GALNT13: variants seen among roughly 807,000 people sequenced by gnomAD.
The protein encoded by GALNT13 is polypeptide N-acetylgalactosaminyltransferase 13.
Under a neutral mutation model 64.2 loss-of-function variants are expected in GALNT13, and 28 were observed. That is an observed-to-expected ratio of 0.44 (90% CI 0.32 to 0.60). The LOEUF (loss-of-function observed/expected upper bound fraction) is 0.60. Ranked by LOEUF, GALNT13 falls within the 20% of genes least tolerant of loss-of-function variation. The pLI is 0.05. For missense variants in GALNT13, 577 were observed against 669.8 expected (o/e 0.86, Z 1.53); for synonymous variants, 214 against 224.6 (o/e 0.95, Z 0.42).
chr2:154,013,190 C>T (rs1398416360), intron 3 of GALNT13, among the ~76,000 whole-genome samples: 1 of 151,180 alleles, frequency 6.6e-6, no homozygotes, highest in Non-Finnish European at 1.5e-5. Context: ...GTTCTTTAAT[C>T]TTTGAAGTTG....
the GALNT13 span, among the ~76,000 whole-genome samples, chr2:153,630,781 A>T: frequency 2.3e-4 from 2 of 8,816 alleles, no homozygotes; most frequent in Non-Finnish European, 4.6e-4. Flanking sequence ...ATATATATAT[A>T]TATATATATA....
intron 3 of GALNT13, among the ~76,000 whole-genome samples, chr2:153,949,075 A>C (rs1245592800): frequency 6.6e-6 from 1 of 152,134 alleles, no homozygotes; most frequent in Non-Finnish European, 1.5e-5. Flanking sequence ...CAATTGTGTT[A>C]TAATTTCCTA....
At chr2:153,989,223 C>A (rs1022443571) in intron 3 of GALNT13, among the ~76,000 whole-genome samples, 3 of 151,746 alleles carry the variant, frequency 2.0e-5, no homozygotes, top group Admixed American at 2.0e-4. Flanking sequence ...ATTTTTTGGC[C>A]TATATAATCT....
At chr2:153,864,828 C>A in the GALNT13 span, among the ~76,000 whole-genome samples, 1 of 148,410 alleles carries the variant, frequency 6.7e-6, no homozygotes, top group Non-Finnish European at 1.5e-5. Context: ...TCATATGGAA[C>A]CAAAAAAGAG....
chr2:154,145,151 A>G (rs1380302093), intron 4 of GALNT13, among the ~76,000 whole-genome samples: 3 of 147,188 alleles, frequency 2.0e-5, no homozygotes. Flanking sequence ...ATAAATTTAT[A>G]TATAAATTTT....
intron 4 of GALNT13, among the ~76,000 whole-genome samples, chr2:154,176,534 G>C (rs1434234387): frequency 6.6e-6 from 1 of 151,944 alleles, no homozygotes; most frequent in East Asian, 1.9e-4. Context: ...TTACAGGCTT[G>C]AGCCACCACA....
the GALNT13 span, among the ~76,000 whole-genome samples, chr2:153,359,903 GA>G: frequency 1.3e-5 from 2 of 152,150 alleles, no homozygotes; most frequent in East Asian, 3.8e-4. Flanking sequence ...TGAAAAATAT[GA>G]GACAGAAATG....
At chr2:153,963,695 C>A (rs1380647309) in intron 3 of GALNT13, among the ~76,000 whole-genome samples, 1 of 151,080 alleles carries the variant, frequency 6.6e-6, no homozygotes, top group Non-Finnish European at 1.5e-5. Context: ...CAATTTCTCT[C>A]TCTCTCTGTC....
At chr2:154,021,058 A>G (rs895710742) in intron 3 of GALNT13, among the ~76,000 whole-genome samples, 12 of 152,106 alleles carry the variant, frequency 7.9e-5, no homozygotes, top group African/African-American at 2.9e-4. Context: ...CCATTGGTCT[A>G]TATCTCTGTT....
chr2:153,954,756 A>G (rs924101956), intron 3 of GALNT13, among the ~76,000 whole-genome samples: 11 of 152,212 alleles, frequency 7.2e-5, no homozygotes, highest in Non-Finnish European at 1.5e-4. Context: ...AAACTGGGCT[A>G]TGGAAAGATT....
the GALNT13 span, among the ~76,000 whole-genome samples, chr2:153,313,710 A>T: frequency 6.6e-6 from 1 of 152,198 alleles, no homozygotes; most frequent in African/African-American, 2.4e-5. Flanking sequence ...TTAAAAAAAG[A>T]ATTTATTTTA....
At chr2:153,563,644 T>C in the GALNT13 span, among the ~76,000 whole-genome samples, 3 of 152,082 alleles carry the variant, frequency 2.0e-5, no homozygotes, top group Non-Finnish European at 4.4e-5. Context: ...TTCTAAGATC[T>C]GTTCCCTTGG....
intron 4 of GALNT13, among the ~76,000 whole-genome samples, chr2:154,145,048 T>TTCTCTCTCTCTCTCTC (rs3075862): frequency 9.4e-6 from 1 of 106,678 alleles, no homozygotes; most frequent in Non-Finnish European, 2.0e-5. Flanking sequence ...ATTTATGTAG[T>TTCTCTCTCTCTCTCTC]TCTCTCTCTC....
At chr2:153,952,348 A>G (rs1692253962) in intron 3 of GALNT13, among the ~76,000 whole-genome samples, 1 of 152,148 alleles carries the variant, frequency 6.6e-6, no homozygotes, top group South Asian at 2.1e-4. Flanking sequence ...CCTCAGTTGT[A>G]ATATGTAATA....
the GALNT13 span, among the ~76,000 whole-genome samples, chr2:153,616,123 TA>T: frequency 2.3e-4 from 35 of 151,748 alleles, 1 homozygote; most frequent in Non-Finnish European, 2.9e-5. Flanking sequence ...TGGTGAGAGA[TA>T]GGGGTCTAGT....
In GALNT13 at chr2:154,082,387, A is replaced by G. The variant is rs912167766; in HGVS notation, c.143-57950A>G. 2.6e-5 allele frequency among the ~76,000 whole-genome samples: 4 copies of G among 151,584 alleles called. No homozygotes were observed. In the Admixed American group the frequency reaches 2.6e-4, roughly 10 times the overall value. The stretch of plus-strand genomic sequence containing the variant: ...TTCATAAATATTGAAAATTAATTTG[A>G]TTATTGATTCTGTTGATTAAGGTTG... On this transcript the variant is annotated intron_variant, in intron 3 of 12. Transcript: ENST00000392825.
chr2:153,296,692 A>C, the GALNT13 span, among the ~76,000 whole-genome samples: 1 of 152,202 alleles, frequency 6.6e-6, no homozygotes, highest in African/African-American at 2.4e-5. Context: ...TTACTTGAAG[A>C]GACAGCATAT....
At chr2:153,638,334 G>A in the GALNT13 span, among the ~76,000 whole-genome samples, 1 of 152,108 alleles carries the variant, frequency 6.6e-6, no homozygotes, top group Non-Finnish European at 1.5e-5. Context: ...ATGCTCCCTT[G>A]AGAATGGGCA....
At chr2:154,416,049 A>G (rs1574265660) in intron 11 of GALNT13, among the ~76,000 whole-genome samples, 1 of 152,304 alleles carries the variant, frequency 6.6e-6, no homozygotes, top group East Asian at 1.9e-4. Context: ...CTATAGAAAC[A>G]GGAATTATTA....
Sources: gnomAD v4.1 joint callset for allele counts (sites outside exome capture counted in the v4.1 genomes callset) on GRCh38, gnomAD v4.1.1 for gene constraint, MANE v1.5 for transcripts, NCBI Gene and HGNC (gene_info 2026-07-23, HGNC 2026-07-21) for gene names.